Variants in NEGR1 observed in about 807,000 individuals in gnomAD.
The protein encoded by NEGR1 is neuronal growth regulator 1, also known as IgLON family member 4.
Under a neutral mutation model 40.9 loss-of-function variants are expected in NEGR1, and 10 were observed. The observed-to-expected ratio is 0.24, with a 90% CI of 0.15 to 0.42. The LOEUF (loss-of-function observed/expected upper bound fraction) is 0.42. NEGR1 is among the 10% of genes least tolerant of loss of function. NEGR1 has a pLI of 1.00. For missense variants in NEGR1, 352 were observed against 438.9 expected (o/e 0.80, Z 1.77); for synonymous variants, 185 against 166.8 (o/e 1.11, Z -0.84).
chr1:72,180,396 T>G (rs1415273800), intron 1 of NEGR1, among the ~76,000 whole-genome samples: 1 of 150,380 alleles, frequency 6.6e-6, no homozygotes, highest in African/African-American at 2.4e-5. Flanking sequence ...TTCTGGGCAT[T>G]GGCCATGGAA....
At chr1:72,036,677 A>G (rs1646906351) in intron 1 of NEGR1, among the ~76,000 whole-genome samples, 1 of 150,754 alleles carries the variant, frequency 6.6e-6, no homozygotes, top group Non-Finnish European at 1.5e-5. Context: ...AAAAAGCAAT[A>G]TTAAATTACA....
At chr1:71,550,928 A>C (rs149966891) in intron 6 of NEGR1, among the ~76,000 whole-genome samples, 47 of 151,762 alleles carry the variant, frequency 3.1e-4, no homozygotes, top group Middle Eastern at 3.4e-3. Flanking sequence ...TGTATAATGC[A>C]TCTCTTAAGA....
intron 2 of NEGR1, among the ~76,000 whole-genome samples, chr1:71,835,734 A>T (rs1659003606): frequency 6.6e-6 from 1 of 152,124 alleles, no homozygotes; most frequent in Non-Finnish European, 1.5e-5. Context: ...TGGTTAAAGA[A>T]ACAGTCTCTA....
At chr1:72,064,490 G>A (rs1647229711) in intron 1 of NEGR1, among the ~76,000 whole-genome samples, 1 of 152,002 alleles carries the variant, frequency 6.6e-6, no homozygotes, top group Non-Finnish European at 1.5e-5. Context: ...TCAGCCGCTG[G>A]GATCAAATCA....
At chr1:71,601,017 A>G (rs1649901331) in intron 5 of NEGR1, among the ~76,000 whole-genome samples, 1 of 152,152 alleles carries the variant, frequency 6.6e-6, no homozygotes. Flanking sequence ...TAGATGGAAA[A>G]CATAGAATTA....
chr1:71,409,014 G>A (rs1044789609), intron 6 of NEGR1: 37 of 152,060 alleles, frequency 2.4e-4, no homozygotes, highest in African/African-American at 8.9e-4. Flanking sequence ...GATTCCAGGT[G>A]AGTGGGATTT....
chr1:72,039,640 C>T (rs1646934822), intron 1 of NEGR1, among the ~76,000 whole-genome samples: 1 of 151,856 alleles, frequency 6.6e-6, no homozygotes, highest in African/African-American at 2.4e-5. Flanking sequence ...TTTTACTATG[C>T]AGAATCCCTG....
chr1:71,806,572 G>T lies in NEGR1; in HGVS notation c.410-30275C>A, dbSNP rs571601725. Among the ~76,000 whole-genome samples, 7 of 151,766 alleles carry T rather than the reference G, an allele frequency of 4.6e-5. No individual in the cohort carries two copies. The South Asian group carries it at 1.5e-3, about 32-fold the overall frequency. On this transcript the variant is annotated intron_variant, in intron 2 of 6. Transcript: ENST00000357731. ...GTTCCTGATGTCAGTGCCATAAACT[G>T]GTTCAGGAAATTGTTATAATATAGG... is the stretch of plus-strand genomic sequence containing the variant.
At chr1:72,273,936 T>C (rs745432906) in intron 1 of NEGR1, among the ~76,000 whole-genome samples, 14 of 151,670 alleles carry the variant, frequency 9.2e-5, no homozygotes, top group Non-Finnish European at 1.8e-4. Flanking sequence ...AAAGCTTCTG[T>C]GCTAAGGCCC....
At chr1:71,999,676 T>TATATAC (rs1553129022) in intron 1 of NEGR1, among the ~76,000 whole-genome samples, 39 of 52,154 alleles carry the variant, frequency 7.5e-4, no homozygotes, top group Admixed American at 9.3e-4. Flanking sequence ...TATATATATA[T>TATATAC]ATACATACAT....
intron 1 of NEGR1, among the ~76,000 whole-genome samples, chr1:72,243,788 A>G (rs957955983): frequency 6.6e-6 from 1 of 151,886 alleles, no homozygotes; most frequent in African/African-American, 2.4e-5. Context: ...CCTCATATGC[A>G]TTACCTATAG....
intron 1 of NEGR1, among the ~76,000 whole-genome samples, chr1:72,168,005 A>ATTT (rs10633272): frequency 6.4e-5 from 9 of 139,684 alleles, no homozygotes; most frequent in South Asian, 2.2e-4. Flanking sequence ...TATTATTATT[A>ATTT]TTTTTTTTTT....
chr1:72,241,971 A>T (rs1364841378), intron 1 of NEGR1, among the ~76,000 whole-genome samples: 1 of 151,660 alleles, frequency 6.6e-6, no homozygotes, highest in Non-Finnish European at 1.5e-5. Flanking sequence ...TGTTTACCAT[A>T]CCCTACAGTT....
intron 1 of NEGR1, among the ~76,000 whole-genome samples, chr1:72,036,100 T>C (rs1046736684): frequency 2.6e-5 from 4 of 152,202 alleles, no homozygotes; most frequent in African/African-American, 9.6e-5. Context: ...TCAAATACCA[T>C]GCCTACAATT....
At chr1:72,281,831 G>T (rs1332420790) in intron 1 of NEGR1, among the ~76,000 whole-genome samples, 1 of 152,086 alleles carries the variant, frequency 6.6e-6, no homozygotes, top group Admixed American at 6.6e-5. Flanking sequence ...AAAGAAAACA[G>T]AAAGCGGTAA....
intron 1 of NEGR1, among the ~76,000 whole-genome samples, chr1:72,094,812 T>C (rs1013753053): frequency 3.9e-5 from 6 of 152,160 alleles, no homozygotes; most frequent in African/African-American, 1.4e-4. Flanking sequence ...TTACAGTGAG[T>C]GGACCAAAAG....
chr1:72,225,849 G>A (rs140221230), intron 1 of NEGR1, among the ~76,000 whole-genome samples: 333 of 151,660 alleles, frequency 2.2e-3, no homozygotes, highest in African/African-American at 7.7e-3. Context: ...TCACAATTAC[G>A]TTTGGTACAA....
At chr1:71,512,969 AAACT>A (rs1390871789) in intron 6 of NEGR1, among the ~76,000 whole-genome samples, 2 of 152,200 alleles carry the variant, frequency 1.3e-5, no homozygotes, top group East Asian at 1.9e-4. Flanking sequence ...AATTATCAAG[AAACT>A]AACAGTTTTA....
chr1:72,170,792 C>T (rs1338518173), intron 1 of NEGR1, among the ~76,000 whole-genome samples: 1 of 152,110 alleles, frequency 6.6e-6, no homozygotes, highest in Non-Finnish European at 1.5e-5. Flanking sequence ...TTAAGGACTT[C>T]TTCCTAAATA....
Sources: gnomAD v4.1 joint callset for allele counts (sites outside exome capture counted in the v4.1 genomes callset) on GRCh38, gnomAD v4.1.1 for gene constraint, MANE v1.5 for transcripts, NCBI Gene and HGNC (gene_info 2026-07-23, HGNC 2026-07-21) for gene names.